Variants in LPIN2 observed in about 807,000 individuals in gnomAD.
LPIN2 encodes phosphatidate phosphatase LPIN2.
In LPIN2, 55 loss-of-function variants were observed where a neutral mutation model predicts 111.4. That is an observed-to-expected ratio of 0.49 (90% CI 0.40 to 0.62). The LOEUF is 0.62. LPIN2 is among the 20% of genes least tolerant of loss of function. The pLI is 0.00. For missense variants in LPIN2, 992 were observed against 1,112.1 expected (o/e 0.89, Z 1.54); for synonymous variants, 425 against 414.0 (o/e 1.03, Z -0.32).
In LPIN2 at chr18:2,934,390, C is replaced by A; in HGVS notation, c.1229G>T (p.Gly410Val). The A allele has an allele frequency of 6.2e-7, 1 of 1,613,808 alleles. No individual in the cohort carries two copies. Among genetic ancestry groups the A allele is most frequent in the South Asian group, 1.1e-5 (1 of 91,064 alleles). ...PDDIYLDDLK[G>V]LEPEVAALYF... The stretch of plus-strand genomic sequence containing the variant: ...AAGAGCTGCAACTTCAGGTTCTAGA[C>A]CCTTTAAGTCATCAAGGTAAATATC... Residue 410 changes from glycine (G) to valine (V), a missense_variant, in exon 8 of 20, where the codon GGT (glycine) becomes GTT (valine). Physicochemically the swap from Gly to Val is moderately radical, Grantham distance 109. Coordinates refer to ENST00000677752, the MANE Select transcript of LPIN2 (RefSeq NM_001375808.2).
chr18:2,966,776 G>C (rs891414046), intron 1 of LPIN2, among the ~76,000 whole-genome samples: 2 of 152,118 alleles, frequency 1.3e-5, no homozygotes, highest in African/African-American at 4.8e-5. Flanking sequence ...CCTCCCGCTG[G>C]ACCATGGTCC....
At chr18:2,980,552 C>T (rs2078093562) in intron 1 of LPIN2, among the ~76,000 whole-genome samples, 1 of 152,194 alleles carries the variant, frequency 6.6e-6, no homozygotes, top group South Asian at 2.1e-4. Context: ...TGACTTGCCA[C>T]CTCTGACCAC....
chr18:2,923,716 T>C (rs1281005090), intron 16 of LPIN2, 59 bp downstream of exon 16: 22 of 1,373,120 alleles, frequency 1.6e-5, no homozygotes, highest in Admixed American at 6.7e-5. Flanking sequence ...CATTGTTCTA[T>C]AGTTCTTAAA....
chr18:2,972,704 T>TAA (rs2077941624), intron 1 of LPIN2, among the ~76,000 whole-genome samples: 1 of 152,172 alleles, frequency 6.6e-6, no homozygotes, highest in South Asian at 2.1e-4. Context: ...GGGCCCCAAC[T>TAA]CCCTTCCTCA....
At chr18:2,932,589 G>A (rs889854756) in intron 8 of LPIN2, among the ~76,000 whole-genome samples, 6 of 152,218 alleles carry the variant, frequency 3.9e-5, no homozygotes, top group African/African-American at 1.4e-4. Flanking sequence ...CTGGGAGTGA[G>A]GGGCAAGGCC....
intron 1 of LPIN2, among the ~76,000 whole-genome samples, chr18:2,996,467 CTTTTTTTTTTTT>C (rs1179106649): frequency 5.9e-5 from 5 of 84,996 alleles, no homozygotes; most frequent in Admixed American, 1.3e-4. Flanking sequence ...AGGAAAATAT[CTTTTTTTTTTTT>C]TTTTTTTTTT....
intron 1 of LPIN2, chr18:2,982,788 T>C (rs565140691): frequency 8.5e-7 from 1 of 1,182,646 alleles, no homozygotes; most frequent in African/African-American, 1.6e-5. Flanking sequence ...TTAACTAGCA[T>C]GTCTTTTTTC....
At chr18:2,961,443 C>T (rs183852347) in intron 1 of LPIN2, among the ~76,000 whole-genome samples, 23 of 152,296 alleles carry the variant, frequency 1.5e-4, no homozygotes, top group Admixed American at 5.2e-4. Context: ...ATTACTTCTA[C>T]GGAAAAATCC....
At chr18:2,945,780 C>A (rs1439270030) in intron 4 of LPIN2, 2 of 1,276,014 alleles carry the variant, frequency 1.6e-6, no homozygotes, top group East Asian at 4.6e-5. Flanking sequence ...TTCTACTCGA[C>A]TAAGTTCTGG....
At chr18:2,962,346 A>G (rs904274476) in intron 1 of LPIN2, among the ~76,000 whole-genome samples, 4 of 152,212 alleles carry the variant, frequency 2.6e-5, no homozygotes, top group Admixed American at 1.3e-4. Context: ...ACTCCTAAAT[A>G]ACAAAATAAG....
At position 2,949,113 on chromosome 18, in the gene LPIN2, G is replaced by C. The variant is rs145493199; in HGVS notation, c.590+1942C>G. On this transcript the variant is annotated intron_variant, in intron 4 of 19. Transcript: ENST00000677752. The stretch of plus-strand genomic sequence containing the variant: ...CTACCGTGCCCGGCCTTTTAATAAT[G>C]TTTTTAATATTCCTGAAGTCAAGCA... Among the ~76,000 whole-genome samples, 982 of 152,146 alleles carry C rather than the reference G, an allele frequency of 6.5e-3. 41 individuals carry two copies. The highest frequency in any genetic ancestry group is 0.057 in the Admixed American group (870 of 15,266).
At chr18:2,993,611 AGTT>A (rs1225764270) in intron 1 of LPIN2, among the ~76,000 whole-genome samples, 1 of 23,268 alleles carries the variant, frequency 4.3e-5, no homozygotes, top group Non-Finnish European at 3.9e-4. Context: ...TTCAACAAAA[AGTT>A]AACGTGTAAC....
chr18:2,999,829 C>T (rs1308478700), intron 1 of LPIN2, among the ~76,000 whole-genome samples: 1 of 152,016 alleles, frequency 6.6e-6, no homozygotes, highest in East Asian at 1.9e-4. Flanking sequence ...AAAATTAAGA[C>T]ATTCTATAGA....
At chr18:2,937,544 TAAAAAAAAAAAAA>T (rs71366618) in intron 7 of LPIN2, 135 bp downstream of exon 7, 70 of 345,864 alleles carry the variant, frequency 2.0e-4, no homozygotes, top group Non-Finnish European at 3.3e-4. Context: ...AAACTCCAGC[TAAAAAAAAAAAAA>T]AAAAAAAAAA....
chr18:2,996,885 G>C (rs1217255444), intron 1 of LPIN2, among the ~76,000 whole-genome samples: 2 of 152,142 alleles, frequency 1.3e-5, no homozygotes, highest in African/African-American at 4.8e-5. Flanking sequence ...CTTGCCAATG[G>C]CACCAAGTTT....
rs200124817 is a variant in LPIN2, at chr18:2,955,921, AAAAC to A, written c.193-1326_193-1323del. On this transcript the variant is annotated intron_variant, in intron 2 of 19. Coordinates refer to ENST00000677752, the MANE Select transcript of LPIN2 (RefSeq NM_001375808.2). Reference sequence around the variant, plus strand: ...CAAAAGCGAAACTCTCTCAAAAAGAAAAACAAACAAAACAAAACAAAAACAAACA... The same window carrying A: ...CAAAAGCGAAACTCTCTCAAAAAGAAAAACAAAACAAAACAAAAACAAACA... Among the ~76,000 whole-genome samples the A allele has an allele frequency of 7.7e-3, 1,174 of 152,298 alleles. 10 individuals are homozygous for A. Among genetic ancestry groups the A allele is most frequent in the African/African-American group, 0.027 (1,115 of 41,544 alleles).
chr18:3,002,750 A>G (rs2078452779), intron 1 of LPIN2, among the ~76,000 whole-genome samples: 1 of 152,204 alleles, frequency 6.6e-6, no homozygotes, highest in African/African-American at 2.4e-5. Flanking sequence ...CTAAACAGTA[A>G]ATTCTCACAT....
chr18:2,929,972 A>G lies in LPIN2; in HGVS notation c.1457-814T>C, dbSNP rs183509983. ...TTGCTTGGAGAATTAAAAAAACAAA[A>G]CAAGGCAAAACAAAAAAACCTAGAA... On this transcript the variant is annotated intron_variant, in intron 9 of 19. Coordinates refer to ENST00000677752, the MANE Select transcript of LPIN2 (RefSeq NM_001375808.2). Among the ~76,000 whole-genome samples the G allele has an allele frequency of 3.5e-3, 531 of 152,288 alleles. 1 individual carries two copies. The highest frequency in any genetic ancestry group is 7.4e-3 in the Admixed American group (113 of 15,302).
At chr18:2,987,299 T>C (rs2078200895) in intron 1 of LPIN2, among the ~76,000 whole-genome samples, 1 of 152,250 alleles carries the variant, frequency 6.6e-6, no homozygotes, top group African/African-American at 2.4e-5. Flanking sequence ...CAAGTGAAGG[T>C]GCTGGAAGAA....
Sources: gnomAD v4.1 joint callset for allele counts (sites outside exome capture counted in the v4.1 genomes callset) on GRCh38, gnomAD v4.1.1 for gene constraint, MANE v1.5 for transcripts, NCBI Gene and HGNC (gene_info 2026-07-23, HGNC 2026-07-21) for gene names.